Variants in DPP6 observed in about 807,000 individuals in gnomAD.
The protein encoded by DPP6 is dipeptidyl peptidase like 6.
DPP6 carries 69 observed loss-of-function variants against 122.6 expected under a neutral mutation model. That is an observed-to-expected ratio of 0.56 (90% confidence interval 0.46 to 0.69). DPP6 has a LOEUF of 0.69. Among genes scored for constraint, DPP6 ranks in the 30% least tolerant of loss-of-function variants. DPP6 has a pLI of 0.00. For synonymous variants in DPP6, 418 were observed against 433.1 expected (o/e 0.97, Z 0.43); for missense variants, 928 against 1,116.9 (o/e 0.83, Z 2.41).
chr7:154,732,078 A>T (rs1386459921), intron 8 of DPP6, among the ~76,000 whole-genome samples: 1 of 150,850 alleles, frequency 6.6e-6, no homozygotes, highest in Non-Finnish European at 1.5e-5. Flanking sequence ...TTGCTTTGTC[A>T]CCCAGGCTGG....
chr7:154,332,838 C>A (rs991616652), intron 1 of DPP6, among the ~76,000 whole-genome samples: 1 of 152,138 alleles, frequency 6.6e-6, no homozygotes, highest in African/African-American at 2.4e-5. Context: ...TGGCCATTTC[C>A]CACTCACCGT....
chr7:154,024,786 A>G (rs1798892318), intron 1 of DPP6, among the ~76,000 whole-genome samples: 1 of 152,234 alleles, frequency 6.6e-6, no homozygotes, highest in African/African-American at 2.4e-5. Context: ...TGAGATCTGC[A>G]TGCTGCCACC....
chr7:154,806,910 G>A, intron 15 of DPP6, 84 bp from the exon 16 acceptor site: 1 of 1,556,258 alleles, frequency 6.4e-7, no homozygotes, highest in Non-Finnish European at 8.7e-7. Context: ...ACCCTCATGG[G>A]GAGAGCCCAC....
intron 8 of DPP6, among the ~76,000 whole-genome samples, chr7:154,752,281 C>G (rs1843434524): frequency 6.6e-6 from 1 of 152,182 alleles, no homozygotes; most frequent in African/African-American, 2.4e-5. Flanking sequence ...GTTACCAGTA[C>G]TGGACATCAA....
intron 1 of DPP6, among the ~76,000 whole-genome samples, chr7:154,205,343 A>C (rs1799385659): frequency 6.6e-6 from 1 of 152,144 alleles, no homozygotes; most frequent in African/African-American, 2.4e-5. Context: ...CACTCCCTCC[A>C]AGCCCTACCC....
At chr7:153,848,945 G>T in the DPP6 span, among the ~76,000 whole-genome samples, 1 of 151,788 alleles carries the variant, frequency 6.6e-6, no homozygotes, top group African/African-American at 2.4e-5. Context: ...TAATCCCATT[G>T]TTTTCCATAT....
intron 5 of DPP6, among the ~76,000 whole-genome samples, chr7:154,589,423 T>A (rs772106383): frequency 6.6e-6 from 1 of 152,228 alleles, no homozygotes; most frequent in Non-Finnish European, 1.5e-5. Context: ...GTTCTGGCTT[T>A]TGCAAAGTTC....
chr7:154,611,189 T>C (rs773251821), intron 5 of DPP6, among the ~76,000 whole-genome samples: 3 of 152,214 alleles, frequency 2.0e-5, no homozygotes, highest in Non-Finnish European at 2.9e-5. Context: ...GTTTTGACAA[T>C]GAACAGTTCT....
intron 3 of DPP6, among the ~76,000 whole-genome samples, chr7:154,512,187 G>A (rs186261219): frequency 1.3e-5 from 2 of 152,210 alleles, no homozygotes; most frequent in East Asian, 3.9e-4. Context: ...TGATTGCCCA[G>A]CTAATCGGAA....
chr7:154,452,253 T>G (rs1405270001), intron 2 of DPP6, among the ~76,000 whole-genome samples: 1 of 152,168 alleles, frequency 6.6e-6, no homozygotes, highest in South Asian at 2.1e-4. Context: ...TCCACAGTAG[T>G]GTTATCATTA....
At chr7:153,824,580 A>G in the DPP6 span, among the ~76,000 whole-genome samples, 605 of 152,014 alleles carry the variant, frequency 4.0e-3, 1 homozygote, top group African/African-American at 0.014. Context: ...GCCACTCGGG[A>G]GGCTAAGGTA....
Position 154,644,062 on chromosome 7 carries a change from A to T in DPP6, c.680+6189A>T, listed in dbSNP as rs988798744. 2.0e-5 allele frequency among the ~76,000 whole-genome samples: 3 copies of T among 152,172 alleles called. No homozygotes were observed. The East Asian group carries it at 5.8e-4, about 29-fold the overall frequency. The stretch of plus-strand genomic sequence containing the variant: ...TAGGGTTAGGTAGGCTTTAGGAGGT[A>T]CCTAGAGTGCAGACAACTGAAATAC... On this transcript the variant is annotated intron_variant, in intron 6 of 25. Transcript: ENST00000377770.
Position 154,096,907 on chromosome 7 carries a change from G to A in DPP6, c.243+43844G>A, listed in dbSNP as rs546559401. ...GTGATTTATATTTTTAGAAAACCAG[G>A]TATTAGTAGTTATGGTTATGTAGCA... is the stretch of plus-strand genomic sequence containing the variant. On this transcript the variant is annotated intron_variant, in intron 1 of 25. Transcript: ENST00000377770. Among the ~76,000 whole-genome samples, 532 of 152,310 alleles carry A rather than the reference G, an allele frequency of 3.5e-3. 3 individuals carry two copies. The highest frequency in any genetic ancestry group is 9.4e-3 in the African/African-American group (392 of 41,564).
In DPP6 at chr7:154,127,628, C is replaced by G. The variant is rs866001102; in HGVS notation, c.243+74565C>G. Among the ~76,000 whole-genome samples the G allele has an allele frequency of 9.6e-4, 103 of 106,950 alleles. No individual in the cohort carries two copies. In the East Asian group the frequency reaches 0.016, roughly 17 times the overall value. The allele number at this position is 106,950 out of a possible 152,430, so 70.2% of individuals were successfully genotyped here. ...ACACACACACACACACACACACACACACACAGACACACACACACACACAGA... is the reference window on the plus strand; with the variant it reads ...ACACACACACACACACACACACACAGACACAGACACACACACACACACAGA... On this transcript the variant is annotated intron_variant, in intron 1 of 25. Transcript: ENST00000377770.
In DPP6 at chr7:154,760,844, T is replaced by TTG. The variant is rs1795499043; in HGVS notation, c.884-8572_884-8571insGT. ...GCCTTCCTCTTTCAAAACTTTTGTTTTTTTTTTTTTGAGACAGTCTTGCTG... is the reference window on the plus strand; with the variant it reads ...GCCTTCCTCTTTCAAAACTTTTGTTTTGTTTTTTTTTTGAGACAGTCTTGCTG... On this transcript the variant is annotated intron_variant, in intron 8 of 25. Coordinates refer to ENST00000377770, the MANE Select transcript of DPP6 (RefSeq NM_130797.4). The surrounding 1 kb of genome is among the most constrained non-coding windows in gnomAD (Gnocchi z 4.5). Among the ~76,000 whole-genome samples, 1 of 151,086 alleles carries TTG rather than the reference T, an allele frequency of 6.6e-6. No homozygotes were observed. Among genetic ancestry groups the TTG allele is most frequent in the Admixed American group, 6.6e-5 (1 of 15,180 alleles).
At chr7:154,728,440 A>C (rs1023092046) in intron 8 of DPP6, among the ~76,000 whole-genome samples, 1 of 152,232 alleles carries the variant, frequency 6.6e-6, no homozygotes, top group African/African-American at 2.4e-5. Context: ...TGTATACATT[A>C]TTAAATAACT....
intron 1 of DPP6, among the ~76,000 whole-genome samples, chr7:153,908,988 A>C (rs1026681667): frequency 6.6e-6 from 1 of 152,114 alleles, no homozygotes; most frequent in Non-Finnish European, 1.5e-5. Flanking sequence ...TCCTAACCTC[A>C]TGATCTGCCC....
chr7:154,805,009 G>A, intron 15 of DPP6, 45 bp downstream of exon 15: 2 of 1,562,788 alleles, frequency 1.3e-6, no homozygotes, highest in Non-Finnish European at 1.7e-6. Context: ...CCCTTAGGAG[G>A]GCATCCAGGC....
chr7:154,192,804 A>G (rs1462511887), intron 1 of DPP6, among the ~76,000 whole-genome samples: 1 of 152,226 alleles, frequency 6.6e-6, no homozygotes, highest in Non-Finnish European at 1.5e-5. Context: ...CAGCTAGTAA[A>G]GCAGGTGTTT....
Sources: gnomAD v4.1 joint callset for allele counts (sites outside exome capture counted in the v4.1 genomes callset) on GRCh38, gnomAD v4.1.1 for gene constraint, Gnocchi (gnomAD v3.1) non-coding constraint, MANE v1.5 for transcripts, NCBI Gene and HGNC (gene_info 2026-07-23, HGNC 2026-07-21) for gene names.